Variants in MYO1D observed in about 807,000 individuals in gnomAD.
The protein encoded by MYO1D is unconventional myosin-Id.
A neutral mutation model predicts 122.0 loss-of-function variants in MYO1D; 83 were observed. That is an observed-to-expected ratio of 0.68 (90% CI 0.57 to 0.82). The LOEUF is 0.82. MYO1D is among the 40% of genes least tolerant of loss of function. The pLI is 0.00. For synonymous variants in MYO1D, 464 were observed against 446.9 expected (o/e 1.04, Z -0.48); for missense variants, 1,157 against 1,269.5 (o/e 0.91, Z 1.35).
Position 32,876,394 on chromosome 17 carries a change from T to C in MYO1D, c.95+384A>G, listed in dbSNP as rs144900759. Among the ~76,000 whole-genome samples the C allele has an allele frequency of 3.8e-3, 578 of 152,194 alleles. 2 individuals are homozygous for C. Among genetic ancestry groups the C allele is most frequent in the South Asian group, 0.015 (71 of 4,822 alleles). The stretch of plus-strand genomic sequence containing the variant: ...CTAGGGCCTTCGGGGCCACCGCAAC[T>C]CTCGTTCAAGTTATTTCCCTTCAGT... On this transcript the variant is annotated intron_variant, in intron 1 of 21. Transcript: ENST00000318217.
chr17:32,800,686 T>C (rs1044227334), intron 1 of MYO1D, among the ~76,000 whole-genome samples: 11 of 152,190 alleles, frequency 7.2e-5, no homozygotes, highest in Admixed American at 5.9e-4. Context: ...AAAGGAGCTA[T>C]TTGTTTTTGT....
Position 32,778,422 on chromosome 17 carries a change from A to G in MYO1D, c.398+58T>C, listed in dbSNP as rs972146780. 5 of 1,535,334 alleles carry G rather than the reference A, an allele frequency of 3.3e-6. No homozygotes were observed. The South Asian group carries it at 5.6e-5, about 17-fold the overall frequency. On this transcript the variant is annotated intron_variant, in intron 3 of 21. Coordinates refer to ENST00000318217, the MANE Select transcript of MYO1D (RefSeq NM_015194.3). ...CAACCCCTAGAGTTTAGGTCTAGCC[A>G]AGTCCATAGAGAAAACAGAGTGCTA... is the stretch of plus-strand genomic sequence containing the variant.
chr17:32,664,917 G>A (rs558133123), intron 16 of MYO1D, among the ~76,000 whole-genome samples: 19 of 152,092 alleles, frequency 1.2e-4, no homozygotes, highest in Non-Finnish European at 2.2e-4. Flanking sequence ...TTCCTATAGC[G>A]TTCATGGCCC....
intron 1 of MYO1D, among the ~76,000 whole-genome samples, chr17:32,833,301 T>C (rs2090789452): frequency 6.6e-6 from 1 of 152,218 alleles, no homozygotes; most frequent in African/African-American, 2.4e-5. Context: ...GCCACCCGTC[T>C]TCAAAGTATA....
At chr17:32,767,183 T>A (rs1757452284) in intron 7 of MYO1D, among the ~76,000 whole-genome samples, 2 of 152,144 alleles carry the variant, frequency 1.3e-5, no homozygotes, top group East Asian at 1.9e-4. Flanking sequence ...GGCCCAAAAG[T>A]GGTCTATGGT....
chr17:32,646,793 C>T (rs1438769045), intron 19 of MYO1D, among the ~76,000 whole-genome samples: 1 of 152,044 alleles, frequency 6.6e-6, no homozygotes, highest in Non-Finnish European at 1.5e-5. Context: ...AAATTATCCT[C>T]AGAATATGAA....
intron 16 of MYO1D, among the ~76,000 whole-genome samples, chr17:32,666,304 C>G (rs569223406): frequency 6.6e-6 from 1 of 152,220 alleles, no homozygotes; most frequent in Non-Finnish European, 1.5e-5. Context: ...TCTGCAGGCA[C>G]TTGCCTGGGA....
intron 21 of MYO1D, among the ~76,000 whole-genome samples, chr17:32,511,444 T>C (rs1909692734): frequency 6.6e-6 from 1 of 152,132 alleles, no homozygotes; most frequent in Non-Finnish European, 1.5e-5. Flanking sequence ...AGCCTGGTCT[T>C]GCCCAGGCTG....
rs116227196 is a variant in MYO1D at position 32,749,783 on chromosome 17, C to T, written c.1468-777G>A. ...TACTATCTTCATGCAGTCCAGCCTA[C>T]CCTGACTGATAGAGTTTCTTTCTCC... is the stretch of plus-strand genomic sequence containing the variant. On this transcript the variant is annotated intron_variant, in intron 11 of 21. Transcript: ENST00000318217. 2.0e-3 allele frequency among the ~76,000 whole-genome samples: 310 copies of T among 152,250 alleles called. 3 individuals are homozygous for T. The highest frequency in any genetic ancestry group is 7.3e-3 in the African/African-American group (302 of 41,530).
chr17:32,724,345 A>G (rs532459020), intron 14 of MYO1D, among the ~76,000 whole-genome samples: 1 of 152,338 alleles, frequency 6.6e-6, no homozygotes, highest in South Asian at 2.1e-4. Flanking sequence ...TAGCTAATTT[A>G]TGAAATGAAG....
chr17:32,665,213 G>T (rs1210775905), intron 16 of MYO1D, among the ~76,000 whole-genome samples: 3 of 129,624 alleles, frequency 2.3e-5, no homozygotes, highest in Non-Finnish European at 4.9e-5. Flanking sequence ...CCCGCCCCCC[G>T]ACCCGCCCAG....
chr17:32,864,548 G>GAAAAAAAAAAAAAAAAAAAAAAAAAAA (rs200717040), intron 1 of MYO1D, among the ~76,000 whole-genome samples: 1 of 73,028 alleles, frequency 1.4e-5, no homozygotes, highest in African/African-American at 5.1e-5. Flanking sequence ...TTCTACGAAT[G>GAAAAAAAAAAAAAAAAAAAAAAAAAAA]AAAAAAAAAA....
intron 15 of MYO1D, among the ~76,000 whole-genome samples, chr17:32,719,062 CTCCTGTTCCACA>C (rs1260607773): frequency 6.6e-6 from 1 of 152,190 alleles, no homozygotes; most frequent in East Asian, 1.9e-4. Context: ...TCCATCTTTA[CTCCTGTTCCACA>C]TCCTGTTCCT....
chr17:32,809,126 G>GT (rs1028688126), intron 1 of MYO1D, among the ~76,000 whole-genome samples: 3 of 118,902 alleles, frequency 2.5e-5, no homozygotes, highest in Non-Finnish European at 5.2e-5. Context: ...ATTCATTTTT[G>GT]TTTTTGATAA....
At chr17:32,546,003 T>C (rs2150881290) in intron 21 of MYO1D, among the ~76,000 whole-genome samples, 1 of 152,308 alleles carries the variant, frequency 6.6e-6, no homozygotes, top group African/African-American at 2.4e-5. Flanking sequence ...GGAAAGCTTC[T>C]AGTGGAGACT....
At chr17:32,555,456 T>A (rs1303224052) in intron 21 of MYO1D, among the ~76,000 whole-genome samples, 2 of 152,126 alleles carry the variant, frequency 1.3e-5, no homozygotes, top group Non-Finnish European at 2.9e-5. Context: ...CAGTTTTTTT[T>A]AATGTACTTG....
intron 20 of MYO1D, among the ~76,000 whole-genome samples, chr17:32,615,260 T>C (rs150239358): frequency 6.6e-6 from 1 of 152,210 alleles, no homozygotes; most frequent in African/African-American, 2.4e-5. Context: ...TGGCAGGCCT[T>C]CAAGAGGAGG....
intron 1 of MYO1D, among the ~76,000 whole-genome samples, chr17:32,817,679 T>C (rs1057444832): frequency 1.3e-5 from 2 of 152,232 alleles, no homozygotes; most frequent in South Asian, 2.1e-4. Context: ...TTTCAAGTAG[T>C]ATAGTAATAG....
At chr17:32,574,804 T>A (rs1174231664) in intron 21 of MYO1D, among the ~76,000 whole-genome samples, 1 of 152,270 alleles carries the variant, frequency 6.6e-6, no homozygotes, top group South Asian at 2.1e-4. Context: ...AGTCCTAACA[T>A]CTAAAACAGT....
Sources: gnomAD v4.1 joint callset for allele counts (sites outside exome capture counted in the v4.1 genomes callset) on GRCh38, gnomAD v4.1.1 for gene constraint, MANE v1.5 for transcripts, NCBI Gene and HGNC (gene_info 2026-07-23, HGNC 2026-07-21) for gene names.